Variants in MTNR1B observed in about 807,000 individuals in gnomAD.
MTNR1B encodes the protein melatonin receptor type 1B.
A neutral mutation model predicts 7.0 loss-of-function variants in MTNR1B; 7 were observed. The observed-to-expected ratio is 1.00, with a 90% CI of 0.57 to 1.88. The LOEUF is 1.88. Ranked by LOEUF, MTNR1B falls within the 40% of genes most tolerant of loss-of-function variation. MTNR1B has a pLI of 0.00. For missense variants in MTNR1B, 478 were observed against 486.5 expected (o/e 0.98, Z 0.16); for synonymous variants, 226 against 208.2 (o/e 1.09, Z -0.74).
At chr11:92,970,488 A>G (rs1857907254) in intron 1 of MTNR1B, among the ~76,000 whole-genome samples, 2 of 152,252 alleles carry the variant, frequency 1.3e-5, no homozygotes, top group Non-Finnish European at 2.9e-5. Context: ...CGGAGAGTAA[A>G]TGCAGAAATT....
chr11:92,969,685 G>T lies in MTNR1B; in HGVS notation c.-41G>T. The T allele has an allele frequency of 7.1e-7, 1 of 1,398,814 alleles. No homozygotes were observed. The allele number at this position is 1,398,814 out of a possible 1,614,324, so 86.7% of individuals were successfully genotyped here. A position where few individuals can be genotyped will look rare whatever the true frequency, so the allele number is the denominator to read the frequency against. The stretch of plus-strand genomic sequence containing the variant: ...ACTGCGCGCGCCCTGCGGCTGTCCG[G>T]GGCCGCGCGGTGGCCAAAGCACAGC... On this transcript the variant is annotated 5_prime_UTR_variant, in exon 1 of 2. Coordinates refer to ENST00000257068, the MANE Select transcript of MTNR1B (RefSeq NM_005959.5).
At position 92,982,109 on chromosome 11, in the gene MTNR1B, C is replaced by T. The variant is rs781443982; in HGVS notation, c.886C>T (p.Leu296=). Residue 296 remains leucine, a synonymous_variant, in exon 2 of 2, where the codon CTG becomes TTG. Transcript: ENST00000257068. ...PEGLFVTSYL[L]AYFNSCLNAI... is the part of the protein sequence containing the mutation. ...GGGGCTATTTGTCACTAGCTACTTA[C>T]TGGCTTATTTCAACAGCTGCCTGAA... The T allele has an allele frequency of 1.2e-6, 2 of 1,614,218 alleles. No individual in the cohort carries two copies. Among genetic ancestry groups the T allele is most frequent in the East Asian group, 2.2e-5 (1 of 44,868 alleles).
At chr11:92,981,133 CAGTT>C (rs1465257065) in intron 1 of MTNR1B, among the ~76,000 whole-genome samples, 4 of 152,190 alleles carry the variant, frequency 2.6e-5, no homozygotes, top group Admixed American at 6.5e-5. Flanking sequence ...ATCATGGAAA[CAGTT>C]AGCATGTGTC....
intron 1 of MTNR1B, 100 bp downstream of exon 1, chr11:92,970,048 GC>G: frequency 7.4e-7 from 1 of 1,345,072 alleles, no homozygotes. Flanking sequence ...TCCCTCCTCA[GC>G]CCGGGCTCCC....
intron 1 of MTNR1B, among the ~76,000 whole-genome samples, chr11:92,979,458 A>G (rs1046535278): frequency 2.0e-5 from 3 of 152,226 alleles, no homozygotes; most frequent in Admixed American, 6.5e-5. Context: ...ACCAACCAGA[A>G]AGGAAATGAG....
Position 92,982,404 on chromosome 11 carries a change from C to A in MTNR1B, c.*92C>A. 7.0e-7 allele frequency: 1 copy of A among 1,432,656 alleles called. No individual in the cohort carries two copies. The highest frequency in any genetic ancestry group is 9.3e-7 in the Non-Finnish European group (1 of 1,072,724). 88.7% of individuals were successfully genotyped at this position (1,432,656 alleles called of 1,614,324 possible). On this transcript the variant is annotated 3_prime_UTR_variant, in exon 2 of 2. Transcript: ENST00000257068. ...GGTGAGACCAGGCAGCCTGCTGGGCCACACTGTCCTGTTGGCATCACAGCC... is the reference window on the plus strand; with the variant it reads ...GGTGAGACCAGGCAGCCTGCTGGGCAACACTGTCCTGTTGGCATCACAGCC...
At position 92,981,663 on chromosome 11, in the gene MTNR1B, C is replaced by A. The variant is rs962569769; in HGVS notation, c.440C>A (p.Ala147Asp). 13 of 1,614,198 alleles carry A rather than the reference C, an allele frequency of 8.1e-6. No individual in the cohort carries two copies. The highest frequency in any genetic ancestry group is 1.1e-5 in the Non-Finnish European group (13 of 1,180,048). The change falls in exon 2 of 2, where the codon GCC (alanine) becomes GAC (aspartate). Residue 147 changes from alanine (A) to aspartate (D), a missense_variant. Transcript: ENST00000257068. ...NRYCYICHSMAYHRIYRRWHT... is the reference protein window; with the variant it reads ...NRYCYICHSMDYHRIYRRWHT... ...TACTGCTACATCTGCCACAGCATGGCCTACCACCGAATCTACCGGCGCTGG... is the reference window on the plus strand; with the variant it reads ...TACTGCTACATCTGCCACAGCATGGACTACCACCGAATCTACCGGCGCTGG...
intron 1 of MTNR1B, among the ~76,000 whole-genome samples, chr11:92,979,796 G>A (rs188527473): frequency 6.6e-6 from 1 of 152,318 alleles, no homozygotes; most frequent in East Asian, 1.9e-4. Context: ...CCTTCATGAA[G>A]GCTTCCTGAG....
chr11:92,973,151 C>T (rs998648363), intron 1 of MTNR1B, among the ~76,000 whole-genome samples: 1 of 152,154 alleles, frequency 6.6e-6, no homozygotes, highest in African/African-American at 2.4e-5. Context: ...TTCTCTTCAT[C>T]TCCCGGATAC....
At chr11:92,980,112 A>G (rs1858074974) in intron 1 of MTNR1B, among the ~76,000 whole-genome samples, 1 of 152,100 alleles carries the variant, frequency 6.6e-6, no homozygotes, top group Admixed American at 6.5e-5. Context: ...CTCTGTGGCA[A>G]TGGGACAGAC....
chr11:92,982,323 AG>A lies in MTNR1B; in HGVS notation c.*13del. 3 of 1,602,612 alleles carry A rather than the reference AG, an allele frequency of 1.9e-6. No individual in the cohort carries two copies. The highest frequency in any genetic ancestry group is 2.6e-6 in the Non-Finnish European group (3 of 1,175,720). ...GCAGATGCTCTCTAGCCTGGATCTG[AG>A]GCACACCAGCAGCATGACAAACTCA... is the stretch of plus-strand genomic sequence containing the variant. On this transcript the variant is annotated 3_prime_UTR_variant, in exon 2 of 2. Transcript: ENST00000257068.
In MTNR1B at chr11:92,982,444, A is replaced by T; in HGVS notation, c.*132A>T. On this transcript the variant is annotated 3_prime_UTR_variant, in exon 2 of 2. Coordinates refer to ENST00000257068, the MANE Select transcript of MTNR1B (RefSeq NM_005959.5). ...GCATCACAGCCCCAAGGCTGGGGGA[A>T]CTTCATGCTGGGACAAGCAGCCCAT... 1 of 1,142,916 alleles carries T rather than the reference A, an allele frequency of 8.7e-7. No individual in the cohort carries two copies. The highest frequency in any genetic ancestry group is 1.2e-6 in the Non-Finnish European group (1 of 828,432). The allele number at this position is 1,142,916 out of a possible 1,614,324, so 70.8% of individuals were successfully genotyped here. A position where few individuals can be genotyped will look rare whatever the true frequency, so the allele number is the denominator to read the frequency against.
At chr11:92,972,447 C>T (rs1554990371) in intron 1 of MTNR1B, 2 of 400,924 alleles carry the variant, frequency 5.0e-6, no homozygotes, top group Non-Finnish European at 1.0e-5. Flanking sequence ...GATTAATTGT[C>T]TTTTTTTTTT....
At chr11:92,979,339 ATGG>A (rs1289621417) in intron 1 of MTNR1B, among the ~76,000 whole-genome samples, 1 of 151,444 alleles carries the variant, frequency 6.6e-6, no homozygotes, top group Non-Finnish European at 1.5e-5. Flanking sequence ...TGAGTCAGAG[ATGG>A]AGATCCAGCA....
Position 92,981,872 on chromosome 11 carries a change from TC to T in MTNR1B, c.651del (p.Phe218SerfsTer25), listed in dbSNP as rs1297842599. 5.0e-6 allele frequency: 8 copies of T among 1,614,160 alleles called. No individual in the cohort carries two copies. The highest frequency in any genetic ancestry group is 4.2e-6 in the Non-Finnish European group (5 of 1,180,034). ...IHFLLPIAVV[S>X]FCYLRIWVLV... Reference sequence around the variant, plus strand: ...CTTCCTCCTCCCTATCGCTGTCGTGTCCTTCTGCTACCTGCGCATCTGGGTG... The same window carrying T: ...CTTCCTCCTCCCTATCGCTGTCGTGTCTTCTGCTACCTGCGCATCTGGGTG... On this transcript the variant is annotated frameshift_variant, in exon 2 of 2. Coordinates refer to ENST00000257068, the MANE Select transcript of MTNR1B (RefSeq NM_005959.5). LOFTEE classifies it low-confidence loss of function (END_TRUNC).
At chr11:92,973,613 C>T (rs773765051) in intron 1 of MTNR1B, among the ~76,000 whole-genome samples, 4 of 152,196 alleles carry the variant, frequency 2.6e-5, no homozygotes, top group Non-Finnish European at 5.9e-5. Flanking sequence ...TTCCCCAACT[C>T]CCCTGAAGGA....
chr11:92,982,455 G>A lies in MTNR1B; in HGVS notation c.*143G>A. On this transcript the variant is annotated 3_prime_UTR_variant, in exon 2 of 2. Coordinates refer to ENST00000257068, the MANE Select transcript of MTNR1B (RefSeq NM_005959.5). ...CCAAGGCTGGGGGAACTTCATGCTG[G>A]GACAAGCAGCCCATCAACGCCATGG... The A allele has an allele frequency of 1.9e-6, 2 of 1,034,488 alleles. No homozygotes were observed. Among genetic ancestry groups the A allele is most frequent in the Non-Finnish European group, 2.7e-6 (2 of 731,688 alleles). 64.1% of individuals were successfully genotyped at this position (1,034,488 alleles called of 1,614,324 possible).
At position 92,981,874 on chromosome 11, in the gene MTNR1B, C is replaced by G; in HGVS notation, c.651C>G (p.Ser217=). 1 of 1,614,216 alleles carries G rather than the reference C, an allele frequency of 6.2e-7. No homozygotes were observed. Among genetic ancestry groups the G allele is most frequent in the South Asian group, 1.1e-5 (1 of 91,082 alleles). The stretch of plus-strand genomic sequence containing the variant: ...TCCTCCTCCCTATCGCTGTCGTGTC[C>G]TTCTGCTACCTGCGCATCTGGGTGC... ...IHFLLPIAVV[S]FCYLRIWVLV... The change falls in exon 2 of 2, where the codon TCC becomes TCG. Residue 217 remains serine (S), a synonymous_variant. Transcript: ENST00000257068.
intron 1 of MTNR1B, among the ~76,000 whole-genome samples, chr11:92,980,421 C>T (rs553784368): frequency 1.3e-5 from 2 of 152,240 alleles, no homozygotes; most frequent in East Asian, 1.9e-4. Flanking sequence ...CTTTGTATTG[C>T]CCAAACGTTT....
Sources: allele counts gnomAD v4.1 joint callset (sites outside exome capture counted in the v4.1 genomes callset), GRCh38; gene constraint gnomAD v4.1.1; transcripts MANE v1.5; gene names NCBI Gene and HGNC (gene_info 2026-07-23, HGNC 2026-07-21).